RASGRF2: variants seen among roughly 807,000 people sequenced by gnomAD.
RASGRF2 encodes the protein ras-specific guanine nucleotide-releasing factor 2.
A neutral mutation model predicts 151.0 loss-of-function variants in RASGRF2; 76 were observed. The observed-to-expected ratio is 0.50, with a 90% confidence interval of 0.42 to 0.61. The LOEUF (loss-of-function observed/expected upper bound fraction) is 0.61, where lower values mean the gene tolerates loss of function less well. Among genes scored for constraint, RASGRF2 ranks in the 20% least tolerant of loss-of-function variants. RASGRF2 has a pLI of 0.00. For synonymous variants in RASGRF2, 504 were observed against 566.5 expected (o/e 0.89, Z 1.57); for missense variants, 1,148 against 1,564.6 (o/e 0.73, Z 4.49).
At chr5:80,984,600 T>C (rs370083049) in intron 1 of RASGRF2, among the ~76,000 whole-genome samples, 1 of 152,344 alleles carries the variant, frequency 6.6e-6, no homozygotes, top group South Asian at 2.1e-4. Flanking sequence ...GAGGTATACA[T>C]TTTCTGTGAT....
Position 81,219,800 on chromosome 5 carries a change from G to A in RASGRF2, c.3621+22G>A, listed in dbSNP as rs777352313. On this transcript the variant is annotated intron_variant, in intron 26 of 26. Transcript: ENST00000265080. ...AAAGGTAATATTATGTGGCTGTGAA[G>A]AAATTAATAAAGAAAAAAGGGGAAA... is the stretch of plus-strand genomic sequence containing the variant. 13 of 1,550,052 alleles carry A rather than the reference G, an allele frequency of 8.4e-6. No individual in the cohort carries two copies. In the African/African-American group the frequency reaches 1.5e-4, roughly 18 times the overall value.
chr5:81,108,351 C>G (rs1226260299), intron 12 of RASGRF2, among the ~76,000 whole-genome samples: 2 of 132,284 alleles, frequency 1.5e-5, no homozygotes, highest in African/African-American at 2.6e-5. Flanking sequence ...CTGAACTCTC[C>G]TCTTGGAAAA....
chr5:80,981,549 A>G (rs1387014771), intron 1 of RASGRF2, among the ~76,000 whole-genome samples: 1 of 151,662 alleles, frequency 6.6e-6, no homozygotes, highest in Non-Finnish European at 1.5e-5. Context: ...TTGTGTGTGT[A>G]TGTTTGTAGC....
intron 1 of RASGRF2, among the ~76,000 whole-genome samples, chr5:80,969,276 G>A (rs1370119134): frequency 3.3e-5 from 5 of 150,854 alleles, no homozygotes; most frequent in African/African-American, 7.3e-5. Flanking sequence ...GATTACAGGT[G>A]TGCACCACCA....
intron 2 of RASGRF2, among the ~76,000 whole-genome samples, chr5:81,053,240 A>T (rs1316552749): frequency 6.6e-6 from 1 of 150,464 alleles, no homozygotes; most frequent in African/African-American, 2.4e-5. Flanking sequence ...CTCATCATTT[A>T]CATTAGGTAT....
intron 15 of RASGRF2, 130 bp from the exon 16 acceptor site, chr5:81,123,512 T>C (rs1326063761): frequency 2.6e-6 from 3 of 1,150,038 alleles, no homozygotes; most frequent in Non-Finnish European, 3.7e-6. Context: ...GTACTTGACT[T>C]GATTTCATAT....
intron 1 of RASGRF2, among the ~76,000 whole-genome samples, chr5:80,968,756 T>C (rs1199933045): frequency 6.6e-6 from 1 of 152,148 alleles, no homozygotes; most frequent in Admixed American, 6.5e-5. Context: ...CAGTCATAGC[T>C]TACTGAAGCC....
chr5:81,159,716 A>G lies in RASGRF2; in HGVS notation c.2687-20459A>G, dbSNP rs532886047. Among the ~76,000 whole-genome samples, 3 of 152,326 alleles carry G rather than the reference A, an allele frequency of 2.0e-5. No homozygotes were observed. The East Asian group carries it at 5.8e-4, about 29-fold the overall frequency. Reference sequence around the variant, plus strand: ...GTGAATTACATGGCATGTAAATTACACCTCAATAAACCTGTTAAAAAGAAC... The same window carrying G: ...GTGAATTACATGGCATGTAAATTACGCCTCAATAAACCTGTTAAAAAGAAC... On this transcript the variant is annotated intron_variant, in intron 17 of 26. Coordinates refer to ENST00000265080, the MANE Select transcript of RASGRF2 (RefSeq NM_006909.3).
intron 9 of RASGRF2, among the ~76,000 whole-genome samples, chr5:81,089,717 T>G (rs1025956003): frequency 4.6e-5 from 7 of 152,192 alleles, no homozygotes; most frequent in African/African-American, 1.7e-4. Context: ...ACTTCCTTGC[T>G]GTGTGATATT....
intron 15 of RASGRF2, among the ~76,000 whole-genome samples, chr5:81,120,882 G>A (rs1000835758): frequency 2.0e-5 from 3 of 152,198 alleles, no homozygotes; most frequent in African/African-American, 4.8e-5. Context: ...GGATCCCTGC[G>A]AAGGAAACAC....
chr5:81,208,207 C>T, intron 21 of RASGRF2, 147 bp from the exon 22 acceptor site: 2 of 596,666 alleles, frequency 3.4e-6, no homozygotes, highest in Non-Finnish European at 2.9e-6. Context: ...GTAAAATTCA[C>T]TTGTGAGGCT....
At position 81,048,486 on chromosome 5, in the gene RASGRF2, G is replaced by C. The variant is rs188221143; in HGVS notation, c.395+5503G>C. ...TTTTCTATAGGGAAAAGTCGGGCTT[G>C]AATTTTCTTATTTTAATACTTTGTT... On this transcript the variant is annotated intron_variant, in intron 2 of 26. Coordinates refer to ENST00000265080, the MANE Select transcript of RASGRF2 (RefSeq NM_006909.3). Among the ~76,000 whole-genome samples, 233 of 152,300 alleles carry C rather than the reference G, an allele frequency of 1.5e-3. 1 individual carries two copies. Among genetic ancestry groups the C allele is most frequent in the African/African-American group, 5.4e-3 (223 of 41,572 alleles).
intron 17 of RASGRF2, among the ~76,000 whole-genome samples, chr5:81,152,341 C>T (rs1011269655): frequency 3.9e-5 from 6 of 151,968 alleles, no homozygotes; most frequent in African/African-American, 1.4e-4. Flanking sequence ...ATTATGGGTA[C>T]TCAACTCAGC....
intron 1 of RASGRF2, among the ~76,000 whole-genome samples, chr5:81,011,150 T>C (rs147379049): frequency 3.6e-4 from 55 of 152,218 alleles, no homozygotes; most frequent in Non-Finnish European, 7.3e-4. Flanking sequence ...AAATTCATTT[T>C]GGTATATTTA....
chr5:81,088,105 A>G (rs1752290440), intron 9 of RASGRF2: 1 of 152,272 alleles, frequency 6.6e-6, no homozygotes, highest in Non-Finnish European at 1.5e-5. Flanking sequence ...GGTGGAATAT[A>G]ATGCTGACAA....
chr5:81,089,886 T>A (rs561433069), intron 9 of RASGRF2, among the ~76,000 whole-genome samples: 1 of 152,318 alleles, frequency 6.6e-6, no homozygotes, highest in East Asian at 1.9e-4. Context: ...AAAGCCAAGA[T>A]CCAAATTTTG....
intron 1 of RASGRF2, among the ~76,000 whole-genome samples, chr5:80,978,157 A>G (rs569527879): frequency 1.5e-4 from 23 of 152,328 alleles, no homozygotes; most frequent in African/African-American, 4.6e-4. Flanking sequence ...GAGGAAATAC[A>G]TAGCTAAATT....
intron 17 of RASGRF2, among the ~76,000 whole-genome samples, chr5:81,175,755 C>CAAAA (rs33931356): frequency 1.0e-5 from 1 of 99,538 alleles, no homozygotes; most frequent in Non-Finnish European, 2.1e-5. Flanking sequence ...AACTCCGTCT[C>CAAAA]AAAAAAAAAA....
chr5:80,999,446 G>T (rs1375843519), intron 1 of RASGRF2, among the ~76,000 whole-genome samples: 1 of 152,154 alleles, frequency 6.6e-6, no homozygotes, highest in South Asian at 2.1e-4. Context: ...GGGCTCAGGC[G>T]ATCCTTCCAC....
Sources: gnomAD v4.1 joint callset for allele counts (sites outside exome capture counted in the v4.1 genomes callset) on GRCh38, gnomAD v4.1.1 for gene constraint, MANE v1.5 for transcripts, NCBI Gene and HGNC (gene_info 2026-07-23, HGNC 2026-07-21) for gene names.